The following NTM variants were observed in gnomAD, a reference collection of about 807,000 sequenced individuals.
The protein encoded by NTM is IgLON family member 2.
Under a neutral mutation model 42.1 loss-of-function variants are expected in NTM, and 13 were observed. The ratio of observed to expected loss-of-function variants is 0.31; its 90% CI spans 0.20 to 0.49. The LOEUF is 0.49. NTM is among the 20% of genes least tolerant of loss of function. The probability of loss-of-function intolerance (pLI) is 0.99; values close to 1 mark genes in which losing one functional copy is unlikely to be tolerated. For synonymous variants in NTM, 187 were observed against 179.2 expected, an observed-to-expected ratio of 1.04 and a Z score of -0.35; for missense variants, 373 against 452.8, an observed-to-expected ratio of 0.82 and a Z score of 1.60.
chr11:131,862,307 C>T (rs1320670481), intron 1 of NTM, among the ~76,000 whole-genome samples: 1 of 152,206 alleles, frequency 6.6e-6, no homozygotes, highest in African/African-American at 2.4e-5. Flanking sequence ...GTAATTTTAA[C>T]TGACTTTCTC....
chr11:132,034,773 T>G (rs1423971819), intron 2 of NTM, among the ~76,000 whole-genome samples: 2 of 152,232 alleles, frequency 1.3e-5, no homozygotes, highest in East Asian at 3.9e-4. Flanking sequence ...GTGCCGAGGC[T>G]GGATGCTTTG....
intron 1 of NTM, among the ~76,000 whole-genome samples, chr11:131,879,049 T>C (rs1217284868): frequency 2.0e-5 from 3 of 152,164 alleles, no homozygotes; most frequent in South Asian, 2.1e-4. Context: ...ATGGCTCTTT[T>C]TCCTTTCTGG....
intron 1 of NTM, among the ~76,000 whole-genome samples, chr11:131,595,551 A>G (rs2059743893): frequency 6.6e-6 from 1 of 152,186 alleles, no homozygotes; most frequent in Non-Finnish European, 1.5e-5. Flanking sequence ...TTTCCCCCTT[A>G]TTCTAAAACA....
At chr11:132,235,181 C>G (rs1421419092) in intron 4 of NTM, among the ~76,000 whole-genome samples, 1 of 152,198 alleles carries the variant, frequency 6.6e-6, no homozygotes, top group Non-Finnish European at 1.5e-5. Context: ...CAGGGGGAGT[C>G]ATCTCTGCTT....
At chr11:131,444,412 T>C (rs571364597) in intron 1 of NTM, among the ~76,000 whole-genome samples, 18 of 152,242 alleles carry the variant, frequency 1.2e-4, no homozygotes, top group African/African-American at 4.3e-4. Context: ...AGGTTTGAAA[T>C]GACCTACAAA....
chr11:132,240,660 T>G (rs1299697622), intron 4 of NTM, among the ~76,000 whole-genome samples: 1 of 152,242 alleles, frequency 6.6e-6, no homozygotes, highest in Non-Finnish European at 1.5e-5. Context: ...ACTTTGCCAC[T>G]GGCTTTTTCA....
At chr11:131,558,340 T>C (rs984015611) in intron 1 of NTM, among the ~76,000 whole-genome samples, 1 of 152,106 alleles carries the variant, frequency 6.6e-6, no homozygotes, top group African/African-American at 2.4e-5. Flanking sequence ...CCTGGGAATA[T>C]CCATACCCAT....
chr11:131,912,475 T>G (rs656644), intron 2 of NTM, among the ~76,000 whole-genome samples: 30,014 of 152,162 alleles, frequency 0.2, 2,935 homozygotes, highest in Admixed American at 0.21. Flanking sequence ...TCTATCTCCC[T>G]GATTACCTTG....
intron 1 of NTM, among the ~76,000 whole-genome samples, chr11:131,888,884 T>C (rs1226613644): frequency 2.0e-5 from 3 of 151,816 alleles, no homozygotes; most frequent in Non-Finnish European, 4.4e-5. Context: ...ATCGGCGACA[T>C]AGAATCTAGC....
chr11:131,746,659 G>C (rs1282873598), intron 1 of NTM, among the ~76,000 whole-genome samples: 1 of 152,130 alleles, frequency 6.6e-6, no homozygotes, highest in East Asian at 1.9e-4. Context: ...ACATTAATAA[G>C]CCTATGCATT....
intron 3 of NTM, among the ~76,000 whole-genome samples, chr11:132,147,907 T>C (rs1194909928): frequency 1.3e-5 from 2 of 152,104 alleles, no homozygotes; most frequent in African/African-American, 4.8e-5. Context: ...GCCTGCTGTT[T>C]GACAGTAGGG....
intron 2 of NTM, among the ~76,000 whole-genome samples, chr11:132,060,188 C>G (rs1470145099): frequency 6.6e-6 from 1 of 152,186 alleles, no homozygotes; most frequent in Non-Finnish European, 1.5e-5. Flanking sequence ...TACGTCTTCC[C>G]AAAGTTACAA....
In NTM at chr11:131,631,253, C is replaced by T. The variant is rs543745042; in HGVS notation, c.82+260365C>T. Among the ~76,000 whole-genome samples the T allele has an allele frequency of 1.9e-4, 29 of 152,320 alleles. No homozygotes were observed. The South Asian group carries it at 5.8e-3, about 30-fold the overall frequency. On this transcript the variant is annotated intron_variant, in intron 1 of 8. Transcript: ENST00000683400. ...GGGACAATGTATGAAAAGCACGTAG[C>T]TTACTAAGTGTTCAGTAACTGCAGT...
chr11:131,941,675 G>A (rs1002427432), intron 2 of NTM, among the ~76,000 whole-genome samples: 1 of 152,222 alleles, frequency 6.6e-6, no homozygotes, highest in Non-Finnish European at 1.5e-5. Flanking sequence ...GAGGTGTCAG[G>A]AAGATTGGGA....
intron 4 of NTM, among the ~76,000 whole-genome samples, chr11:132,307,067 T>C (rs2095113838): frequency 6.6e-6 from 1 of 152,208 alleles, no homozygotes; most frequent in African/African-American, 2.4e-5. Flanking sequence ...CGGAGTCCCA[T>C]TGCTGGTCTG....
chr11:131,401,461 C>A lies in NTM; in HGVS notation c.82+30573C>A, dbSNP rs560326266. ...AACCTGATTAAATGGAACTGTAATACCTTCTCTTAATGTTGTTATAAGCGT... is the reference window on the plus strand; with the variant it reads ...AACCTGATTAAATGGAACTGTAATAACTTCTCTTAATGTTGTTATAAGCGT... On this transcript the variant is annotated intron_variant, in intron 1 of 8. Coordinates refer to ENST00000683400, the MANE Select transcript of NTM (RefSeq NM_001352005.2). Among the ~76,000 whole-genome samples the A allele has an allele frequency of 2.6e-5, 4 of 152,034 alleles. No homozygotes were observed. The South Asian group carries it at 8.3e-4, about 32-fold the overall frequency.
chr11:131,559,221 C>T (rs1372274018), intron 1 of NTM, among the ~76,000 whole-genome samples: 1 of 152,216 alleles, frequency 6.6e-6, no homozygotes, highest in Non-Finnish European at 1.5e-5. Context: ...ACATTTCCAG[C>T]CATGTGCCCA....
chr11:131,835,269 A>G (rs760716757), intron 1 of NTM, among the ~76,000 whole-genome samples: 2 of 152,178 alleles, frequency 1.3e-5, no homozygotes, highest in Non-Finnish European at 2.9e-5. Context: ...CCTGGAGTCT[A>G]TGAAAGTAAA....
intron 4 of NTM, among the ~76,000 whole-genome samples, chr11:132,254,977 A>G (rs2092354453): frequency 6.6e-6 from 1 of 152,238 alleles, no homozygotes; most frequent in Non-Finnish European, 1.5e-5. Flanking sequence ...GTCCCCAGAC[A>G]TTTCCAGATT....
Sources: gnomAD v4.1 joint callset for allele counts (sites outside exome capture counted in the v4.1 genomes callset) on GRCh38, gnomAD v4.1.1 for gene constraint, MANE v1.5 for transcripts, NCBI Gene and HGNC (gene_info 2026-07-23, HGNC 2026-07-21) for gene names.